Variants in MYO1B observed in about 807,000 individuals in gnomAD.
MYO1B encodes the protein unconventional myosin-Ib.
Under a neutral mutation model 159.7 loss-of-function variants are expected in MYO1B, and 72 were observed. That is an observed-to-expected ratio of 0.45 (90% CI 0.37 to 0.55). The LOEUF (loss-of-function observed/expected upper bound fraction) is 0.55. Among genes scored for constraint, MYO1B ranks in the 20% least tolerant of loss-of-function variants. MYO1B has a pLI of 0.00. For missense variants in MYO1B, 1,062 were observed against 1,364.8 expected (o/e 0.78, Z 3.50); for synonymous variants, 468 against 473.8 (o/e 0.99, Z 0.16).
In MYO1B at chr2:191,425,175, A is replaced by G. The variant is rs1698148432; in HGVS notation, c.*1215A>G. 1 of 152,052 alleles carries G rather than the reference A, an allele frequency of 6.6e-6. No individual in the cohort carries two copies. The highest frequency in any genetic ancestry group is 2.1e-4 in the South Asian group (1 of 4,826). 9.4% of individuals were successfully genotyped at this position (152,052 alleles called of 1,614,324 possible). The stretch of plus-strand genomic sequence containing the variant: ...AATTTGGTGCCATTTCCTGAATCAC[A>G]ACTGTATTTTTGTATCTCAAGCTAT... On this transcript the variant is annotated 3_prime_UTR_variant, in exon 31 of 31. Transcript: ENST00000392318.
At chr2:191,326,202 A>T (rs1691052878) in intron 3 of MYO1B, among the ~76,000 whole-genome samples, 1 of 152,214 alleles carries the variant, frequency 6.6e-6, no homozygotes, top group Non-Finnish European at 1.5e-5. Context: ...TTTTTAACTA[A>T]AGACTTCTCT....
chr2:191,424,031 G>A lies in MYO1B; in HGVS notation c.*71G>A. ...TGCAATTTGGTTTTGTTTTATTTGGGGTTCATTGTATGTTTGGGAATCACC... is the reference window on the plus strand; with the variant it reads ...TGCAATTTGGTTTTGTTTTATTTGGAGTTCATTGTATGTTTGGGAATCACC... On this transcript the variant is annotated 3_prime_UTR_variant, in exon 31 of 31. Transcript: ENST00000392318. The A allele has an allele frequency of 6.6e-7, 1 of 1,510,552 alleles. No homozygotes were observed. Among genetic ancestry groups the A allele is most frequent in the Non-Finnish European group, 8.9e-7 (1 of 1,121,462 alleles). 93.6% of individuals were successfully genotyped at this position (1,510,552 alleles called of 1,614,324 possible).
rs769121003 is a variant in MYO1B at position 191,364,143 on chromosome 2, C to A, written c.914-15C>A. 1.9e-6 allele frequency: 3 copies of A among 1,604,720 alleles called. No homozygotes were observed. In the South Asian group the frequency reaches 3.3e-5, roughly 18 times the overall value. ...GTACAGTCACTTTTTGTGTCCATCCCCTGCCTTCCCACAGAGTTAAAAGAA... is the reference window on the plus strand; with the variant it reads ...GTACAGTCACTTTTTGTGTCCATCCACTGCCTTCCCACAGAGTTAAAAGAA... On this transcript the variant is annotated splice_polypyrimidine_tract_variant and intron_variant, in intron 10 of 30. Coordinates refer to ENST00000392318, the MANE Select transcript of MYO1B (RefSeq NM_001130158.3).
chr2:191,407,241 T>C (rs1696974311), intron 24 of MYO1B, among the ~76,000 whole-genome samples: 1 of 152,186 alleles, frequency 6.6e-6, no homozygotes, highest in Non-Finnish European at 1.5e-5. Flanking sequence ...CATCCCGTAA[T>C]GTAGAAATAT....
Position 191,397,897 on chromosome 2 carries a change from C to T in MYO1B, c.2295+1400C>T, listed in dbSNP as rs540859651. ...CTCCTCACTTCCCAGTAGGGGCGGC[C>T]GGGCAGAGGCGCCCCTCACCTCCCG... On this transcript the variant is annotated intron_variant, in intron 21 of 30. Transcript: ENST00000392318. Among the ~76,000 whole-genome samples the T allele has an allele frequency of 2.3e-3, 296 of 126,056 alleles. 5 individuals are homozygous for T. Among genetic ancestry groups the T allele is most frequent in the African/African-American group, 8.6e-3 (261 of 30,380 alleles). The allele number at this position is 126,056 out of a possible 152,430, so 82.7% of individuals were successfully genotyped here. A position where few individuals can be genotyped will look rare whatever the true frequency, so the allele number is the denominator to read the frequency against.
chr2:191,290,444 A>T (rs185904639), intron 2 of MYO1B, among the ~76,000 whole-genome samples: 1 of 152,348 alleles, frequency 6.6e-6, no homozygotes, highest in Admixed American at 6.5e-5. Flanking sequence ...TTTAAACTGC[A>T]AGTTTCATAT....
chr2:191,309,909 TC>T (rs1377532759), intron 3 of MYO1B, among the ~76,000 whole-genome samples: 1 of 152,220 alleles, frequency 6.6e-6, no homozygotes, highest in Non-Finnish European at 1.5e-5. Flanking sequence ...TATTTTACCA[TC>T]CCTGTATCCA....
intron 3 of MYO1B, among the ~76,000 whole-genome samples, chr2:191,311,787 A>G (rs577142795): frequency 6.6e-6 from 1 of 152,226 alleles, no homozygotes; most frequent in Non-Finnish European, 1.5e-5. Context: ...ACATGTAGCT[A>G]TTTAAGATTA....
chr2:191,348,939 A>G (rs1692742981), intron 6 of MYO1B, among the ~76,000 whole-genome samples: 1 of 152,130 alleles, frequency 6.6e-6, no homozygotes, highest in African/African-American at 2.4e-5. Context: ...ACGGTTGCCA[A>G]TTCTTATGCC....
At chr2:191,271,794 T>C (rs1190853090) in intron 1 of MYO1B, among the ~76,000 whole-genome samples, 3 of 152,212 alleles carry the variant, frequency 2.0e-5, no homozygotes, top group Non-Finnish European at 4.4e-5. Flanking sequence ...TAGTACCATT[T>C]TGATATTGAA....
rs986812770 is a variant in MYO1B, at chr2:191,346,397, T to C, written c.498+115T>C. The C allele has an allele frequency of 1.5e-5, 10 of 654,006 alleles. No individual in the cohort carries two copies. In the African/African-American group the frequency reaches 1.7e-4, roughly 11 times the overall value. The allele number at this position is 654,006 out of a possible 1,614,324, so 40.5% of individuals were successfully genotyped here. ...ACACATTTTTAAAATAAGAGGAACA[T>C]CATCTCTATTGAAACACAAAGTTCT... On this transcript the variant is annotated intron_variant, in intron 6 of 30. Coordinates refer to ENST00000392318, the MANE Select transcript of MYO1B (RefSeq NM_001130158.3).
chr2:191,312,526 A>G (rs953169828), intron 3 of MYO1B, among the ~76,000 whole-genome samples: 7 of 152,190 alleles, frequency 4.6e-5, no homozygotes, highest in African/African-American at 1.7e-4. Context: ...TATTTATCTT[A>G]TGTATCTCAT....
At chr2:191,266,759 C>T (rs1014386236) in intron 1 of MYO1B, among the ~76,000 whole-genome samples, 2 of 152,148 alleles carry the variant, frequency 1.3e-5, no homozygotes, top group African/African-American at 2.4e-5. Flanking sequence ...TTTGCCCTTA[C>T]GTCACAAGTG....
At chr2:191,281,650 A>G (rs962179133) in intron 2 of MYO1B, among the ~76,000 whole-genome samples, 25 of 151,884 alleles carry the variant, frequency 1.6e-4, no homozygotes, top group African/African-American at 5.3e-4. Context: ...CCGGCCAGAC[A>G]TGTTCTGTTT....
Position 191,366,035 on chromosome 2 carries a change from CACT to C in MYO1B, c.1032+1760_1032+1762del, listed in dbSNP as rs1223852218. On this transcript the variant is annotated intron_variant, in intron 11 of 30. Coordinates refer to ENST00000392318, the MANE Select transcript of MYO1B (RefSeq NM_001130158.3). ...GCATTTCTAATAAATTCAAAGGTGA[CACT>C]GCTGCTGCTGCTGCTGGTCCAGGAT... Among the ~76,000 whole-genome samples the C allele has an allele frequency of 3.3e-5, 5 of 152,260 alleles. No individual in the cohort carries two copies. The East Asian group carries it at 9.6e-4, about 29-fold the overall frequency.
chr2:191,346,337 T>A, intron 6 of MYO1B, 55 bp downstream of exon 6: 1 of 1,217,780 alleles, frequency 8.2e-7, no homozygotes. Context: ...CATGTATGTT[T>A]AAACAACCAG....
At chr2:191,325,452 T>C (rs1374012009) in intron 3 of MYO1B, among the ~76,000 whole-genome samples, 1 of 152,200 alleles carries the variant, frequency 6.6e-6, no homozygotes, top group Non-Finnish European at 1.5e-5. Flanking sequence ...AATTTAGTTC[T>C]GTTAAACACT....
chr2:191,352,112 C>T (rs761895860), intron 7 of MYO1B, among the ~76,000 whole-genome samples: 6 of 152,116 alleles, frequency 3.9e-5, no homozygotes, highest in African/African-American at 4.8e-5. Flanking sequence ...AAACCACATA[C>T]GATGTAACCA....
rs2126207376 is a variant in MYO1B, at chr2:191,424,288, G to A, written c.*328G>A. ...TTAATTAATATAAGCATAGGAAATG[G>A]TCTTAAAAGATACTGCATTCATTCA... On this transcript the variant is annotated 3_prime_UTR_variant, in exon 31 of 31. Transcript: ENST00000392318. The A allele has an allele frequency of 4.3e-6, 1 of 232,074 alleles. No homozygotes were observed. The highest frequency in any genetic ancestry group is 5.1e-5 in the Admixed American group (1 of 19,650). 14.4% of individuals were successfully genotyped at this position (232,074 alleles called of 1,614,324 possible). A position where few individuals can be genotyped will look rare whatever the true frequency, so the allele number is the denominator to read the frequency against.
Sources: gnomAD v4.1 joint callset for allele counts (sites outside exome capture counted in the v4.1 genomes callset) on GRCh38, gnomAD v4.1.1 for gene constraint, MANE v1.5 for transcripts, NCBI Gene and HGNC (gene_info 2026-07-23, HGNC 2026-07-21) for gene names.